Variants in METTL15 observed in about 807,000 individuals in gnomAD.
METTL15 encodes the protein methyltransferase 15, mitochondrial 12S rRNA N4-cytidine.
A neutral mutation model predicts 38.3 loss-of-function variants in METTL15; 34 were observed. The observed-to-expected ratio is 0.89, with a 90% confidence interval of 0.68 to 1.18. The LOEUF (loss-of-function observed/expected upper bound fraction) is 1.18, where lower values mean the gene tolerates loss of function less well. Ranked by LOEUF, METTL15 falls within the 50% of genes most tolerant of loss-of-function variation. The pLI is 0.00. For missense variants in METTL15, 438 were observed against 498.4 expected (o/e 0.88, Z 1.15); for synonymous variants, 162 against 170.9 (o/e 0.95, Z 0.41).
intron 3 of METTL15, among the ~76,000 whole-genome samples, chr11:28,121,829 T>G (rs1287150848): frequency 6.6e-6 from 1 of 152,036 alleles, no homozygotes; most frequent in Non-Finnish European, 1.5e-5. Flanking sequence ...TTATGTTTAT[T>G]ATATGCAATA....
At chr11:28,116,859 T>A (rs1851985417) in intron 3 of METTL15, among the ~76,000 whole-genome samples, 1 of 152,134 alleles carries the variant, frequency 6.6e-6, no homozygotes, top group African/African-American at 2.4e-5. Flanking sequence ...AGTCTGGAAC[T>A]CCTGGGCTCA....
chr11:28,179,713 A>G (rs1331006466), intron 3 of METTL15, among the ~76,000 whole-genome samples: 1 of 151,792 alleles, frequency 6.6e-6, no homozygotes, highest in Non-Finnish European at 1.5e-5. Context: ...TATTATGAAT[A>G]AAGCTCATAT....
At chr11:28,286,566 G>T (rs550967782) in intron 4 of METTL15, among the ~76,000 whole-genome samples, 7 of 151,992 alleles carry the variant, frequency 4.6e-5, no homozygotes, top group Non-Finnish European at 1.0e-4. Context: ...TTGACATAGG[G>T]GAGTACTAGG....
chr11:28,373,994 C>T (rs1443877413), intron 5 of METTL15, among the ~76,000 whole-genome samples: 1 of 152,098 alleles, frequency 6.6e-6, no homozygotes, highest in Non-Finnish European at 1.5e-5. Context: ...GGCGTTATTT[C>T]TGAGGGCTCT....
At chr11:28,393,381 T>G (rs913610143) in intron 5 of METTL15, among the ~76,000 whole-genome samples, 1 of 152,072 alleles carries the variant, frequency 6.6e-6, no homozygotes, top group African/African-American at 2.4e-5. Context: ...TACCCCAAAT[T>G]TAGTGGTTTA....
At chr11:28,478,894 C>G (rs972870494) in intron 6 of METTL15, among the ~76,000 whole-genome samples, 3 of 148,006 alleles carry the variant, frequency 2.0e-5, no homozygotes, top group African/African-American at 7.3e-5. Flanking sequence ...CCATTATCTC[C>G]TAGGAAGCAG....
intron 6 of METTL15, among the ~76,000 whole-genome samples, chr11:28,458,277 CTATT>C (rs1851186954): frequency 6.6e-6 from 1 of 152,076 alleles, no homozygotes; most frequent in Non-Finnish European, 1.5e-5. Context: ...CCTTGTTTAT[CTATT>C]CTTTTTTCTT....
At chr11:28,207,393 T>G (rs10835288) in intron 3 of METTL15, among the ~76,000 whole-genome samples, 13,323 of 152,064 alleles carry the variant, frequency 0.088, 1,034 homozygotes, top group East Asian at 0.36. Context: ...TTGGTTCTGT[T>G]TATATGCTGG....
intron 6 of METTL15, among the ~76,000 whole-genome samples, chr11:28,330,097 A>G (rs1849765574): frequency 6.6e-6 from 1 of 152,136 alleles, no homozygotes; most frequent in South Asian, 2.1e-4. Flanking sequence ...TTTTTCACCA[A>G]ATTTGAGAAG....
At chr11:28,383,848 G>A (rs1022281149) in intron 5 of METTL15, among the ~76,000 whole-genome samples, 35 of 151,992 alleles carry the variant, frequency 2.3e-4, no homozygotes, top group African/African-American at 8.5e-4. Flanking sequence ...GGATGCACAT[G>A]GAGGTTTGTT....
At chr11:28,161,888 ATT>A (rs1416618202) in intron 3 of METTL15, among the ~76,000 whole-genome samples, 1 of 152,102 alleles carries the variant, frequency 6.6e-6, no homozygotes, top group Non-Finnish European at 1.5e-5. Flanking sequence ...TGTCAACAAG[ATT>A]TAGTTTTGAG....
chr11:28,382,705 C>T (rs1036587203), intron 5 of METTL15, among the ~76,000 whole-genome samples: 3 of 151,874 alleles, frequency 2.0e-5, no homozygotes, highest in African/African-American at 7.3e-5. Flanking sequence ...CATGGAGGTG[C>T]ATGCCTGTAA....
At chr11:28,352,727 A>G (rs545254589) in intron 4 of METTL15, among the ~76,000 whole-genome samples, 1 of 152,032 alleles carries the variant, frequency 6.6e-6, no homozygotes, top group South Asian at 2.1e-4. Flanking sequence ...CCCACCCCCA[A>G]GGGTCATGGA....
chr11:28,110,688 A>G (rs1019625154), intron 2 of METTL15, among the ~76,000 whole-genome samples: 2 of 152,144 alleles, frequency 1.3e-5, no homozygotes, highest in African/African-American at 4.8e-5. Flanking sequence ...TTGTCCTTAA[A>G]AATTACATTT....
At chr11:28,221,939 C>T (rs368627443) in intron 4 of METTL15, among the ~76,000 whole-genome samples, 1 of 152,078 alleles carries the variant, frequency 6.6e-6, no homozygotes, top group Admixed American at 6.5e-5. Flanking sequence ...GGTACCTGGC[C>T]GTGTGAGGTG....
At chr11:28,410,051 C>T (rs1850711426) in intron 5 of METTL15, among the ~76,000 whole-genome samples, 1 of 152,030 alleles carries the variant, frequency 6.6e-6, no homozygotes, top group Admixed American at 6.6e-5. Context: ...TGTAACTTCT[C>T]AAGATTCAGT....
At chr11:28,177,649 T>C (rs1007707892) in intron 3 of METTL15, among the ~76,000 whole-genome samples, 1 of 152,000 alleles carries the variant, frequency 6.6e-6, no homozygotes, top group Non-Finnish European at 1.5e-5. Flanking sequence ...ATTAGGAAAG[T>C]ATTTGATGTT....
chr11:28,197,568 CA>C (rs1363580972), intron 3 of METTL15: 1 of 434,146 alleles, frequency 2.3e-6, no homozygotes, highest in Non-Finnish European at 4.8e-6. Flanking sequence ...ACTTGCCTAA[CA>C]AGGATTTCCT....
At chr11:28,348,171 A>G (rs1850012443) in intron 3 of METTL15, among the ~76,000 whole-genome samples, 1 of 152,198 alleles carries the variant, frequency 6.6e-6, no homozygotes, top group African/African-American at 2.4e-5. Context: ...TTTTGAATGG[A>G]GATACTTTGA....
Sources: gnomAD v4.1 joint callset for allele counts (sites outside exome capture counted in the v4.1 genomes callset) on GRCh38, gnomAD v4.1.1 for gene constraint, MANE v1.5 for transcripts, NCBI Gene and HGNC (gene_info 2026-07-23, HGNC 2026-07-21) for gene names.